MED17: variants seen among roughly 807,000 people sequenced by gnomAD.
The protein encoded by MED17 is mediator of RNA polymerase II transcription subunit 17.
MED17 carries 49 observed loss-of-function variants against 80.8 expected under a neutral mutation model. The observed-to-expected ratio is 0.61, with a 90% CI of 0.48 to 0.77. The LOEUF is 0.77. MED17 is among the 30% of genes least tolerant of loss of function. The pLI is 0.00. For synonymous variants in MED17, 281 were observed against 280.4 expected, an observed-to-expected ratio of 1.00 and a Z score of -0.02; for missense variants, 718 against 787.0, an observed-to-expected ratio of 0.91 and a Z score of 1.05.
Position 93,812,319 on chromosome 11 carries a change from A to G in MED17, c.*255A>G, listed in dbSNP as rs1944092751. ...TAATATGTTTTTCATGCAGTTTAAA[A>G]TATTACTAACTTAAGGGTTTCTATG... On this transcript the variant is annotated 3_prime_UTR_variant, in exon 12 of 12. Coordinates refer to ENST00000251871, the MANE Select transcript of MED17 (RefSeq NM_004268.5). 1.8e-6 allele frequency: 1 copy of G among 558,372 alleles called. No individual in the cohort carries two copies. The highest frequency in any genetic ancestry group is 2.7e-5 in the South Asian group (1 of 36,788). 34.6% of individuals were successfully genotyped at this position (558,372 alleles called of 1,614,324 possible). A position where few individuals can be genotyped will look rare whatever the true frequency, so the allele number is the denominator to read the frequency against.
intron 9 of MED17, chr11:93,806,852 C>T (rs1944030538): frequency 6.6e-6 from 1 of 152,198 alleles, no homozygotes; most frequent in Admixed American, 6.5e-5. Flanking sequence ...CTTGTGGAAA[C>T]CATGCCTATG....
At chr11:93,809,471 A>C in intron 10 of MED17, 1 of 548,108 alleles carries the variant, frequency 1.8e-6, no homozygotes, top group East Asian at 3.3e-5. Flanking sequence ...AATTTATGTC[A>C]TATGTCTTTG....
chr11:93,787,618 G>A (rs891068451), intron 1 of MED17, among the ~76,000 whole-genome samples: 1 of 152,150 alleles, frequency 6.6e-6, no homozygotes, highest in Non-Finnish European at 1.5e-5. Flanking sequence ...TATGCTAATA[G>A]TGGCTGGCTT....
chr11:93,814,913 A>G lies in MED17; in HGVS notation c.*2849A>G, dbSNP rs1350444511. ...GCTGGGATTACAGGTATGAGCCACCATGCCTGGCCTCCTTAGGTATTGCTG... is the reference window on the plus strand; with the variant it reads ...GCTGGGATTACAGGTATGAGCCACCGTGCCTGGCCTCCTTAGGTATTGCTG... On this transcript the variant is annotated 3_prime_UTR_variant, in exon 12 of 12. Coordinates refer to ENST00000251871, the MANE Select transcript of MED17 (RefSeq NM_004268.5). The G allele has an allele frequency of 6.6e-6, 1 of 152,192 alleles. No homozygotes were observed. Among genetic ancestry groups the G allele is most frequent in the Admixed American group, 6.5e-5 (1 of 15,284 alleles). 9.4% of individuals were successfully genotyped at this position (152,192 alleles called of 1,614,324 possible).
intron 9 of MED17, among the ~76,000 whole-genome samples, chr11:93,803,277 C>T (rs1445289962): frequency 6.6e-6 from 1 of 152,022 alleles, no homozygotes; most frequent in Non-Finnish European, 1.5e-5. Context: ...TTTGATTTTT[C>T]CTATGTACAG....
intron 8 of MED17, among the ~76,000 whole-genome samples, chr11:93,799,268 C>G (rs756550421): frequency 1.3e-5 from 2 of 150,946 alleles, no homozygotes; most frequent in Admixed American, 6.6e-5. Flanking sequence ...CTCTGCCTCT[C>G]GGGTTCAAGC....
chr11:93,809,595 TA>T, intron 10 of MED17, 121 bp from the exon 11 acceptor site: 2 of 996,956 alleles, frequency 2.0e-6, no homozygotes, highest in Non-Finnish European at 3.2e-6. Flanking sequence ...TCCTCAGACC[TA>T]AGATAGGGTT....
In MED17 at chr11:93,793,740, C is replaced by T. The variant is rs868539652; in HGVS notation, c.650C>T (p.Pro217Leu). The change falls in exon 4 of 12, where the codon CCT becomes CTT. Residue 217 changes from proline (P) to leucine (L), a missense_variant. Pro to Leu is a moderately conservative substitution (Grantham distance 98). Coordinates refer to ENST00000251871, the MANE Select transcript of MED17 (RefSeq NM_004268.5). Reference sequence around the variant, plus strand: ...AATACAACATTAGGATCTCTCTTTCCTCATCATGGTACATTTGAAGTAATA... The same window carrying T: ...AATACAACATTAGGATCTCTCTTTCTTCATCATGGTACATTTGAAGTAATA... The part of the protein sequence containing the change: ...LSYRSAGSLF[P>L]HHGTFEVIKN... 2 of 1,574,202 alleles carry T rather than the reference C, an allele frequency of 1.3e-6. No homozygotes were observed. Among genetic ancestry groups the T allele is most frequent in the Non-Finnish European group, 1.7e-6 (2 of 1,145,514 alleles).
Position 93,812,402 on chromosome 11 carries a change from A to G in MED17, c.*338A>G, listed in dbSNP as rs1401313135. The G allele has an allele frequency of 4.0e-6, 2 of 502,090 alleles. No homozygotes were observed. Among genetic ancestry groups the G allele is most frequent in the Non-Finnish European group, 6.9e-6 (2 of 289,630 alleles). 31.1% of individuals were successfully genotyped at this position (502,090 alleles called of 1,614,324 possible). On this transcript the variant is annotated 3_prime_UTR_variant, in exon 12 of 12. Coordinates refer to ENST00000251871, the MANE Select transcript of MED17 (RefSeq NM_004268.5). ...CATCAAATAAAGTATGTGGTTTAAA[A>G]AAATCTCCAAATACCTTTTTTTCCC...
intron 1 of MED17, 27 bp downstream of exon 1, chr11:93,784,790 C>A: frequency 2.0e-6 from 3 of 1,534,202 alleles, no homozygotes; most frequent in South Asian, 1.2e-5. Context: ...CTGCCCGAGT[C>A]CCCCGGTCTG....
intron 9 of MED17, among the ~76,000 whole-genome samples, chr11:93,805,854 C>T (rs1225901324): frequency 6.6e-6 from 1 of 152,008 alleles, no homozygotes; most frequent in Non-Finnish European, 1.5e-5. Flanking sequence ...GTCCCAGCTT[C>T]TCAGGAGGCT....
At position 93,794,915 on chromosome 11, in the gene MED17, A is replaced by G. The variant is rs1286863862; in HGVS notation, c.867A>G (p.Pro289=). 1 of 1,614,232 alleles carries G rather than the reference A, an allele frequency of 6.2e-7. No homozygotes were observed. Among genetic ancestry groups the G allele is most frequent in the East Asian group, 2.2e-5 (1 of 44,878 alleles). Residue 289 remains proline, a synonymous_variant, in exon 6 of 12, where the codon CCA becomes CCG. Transcript: ENST00000251871. ...RPLPKSKPGS[P]HWQTKLEAAQ... ...ATATTTCTTGTCTTTCAGGTTCCCC[A>G]CATTGGCAGACAAAATTAGAAGCGG...
intron 2 of MED17, 168 bp from the exon 3 acceptor site, chr11:93,790,406 G>C: frequency 1.5e-6 from 1 of 664,282 alleles, no homozygotes; most frequent in Non-Finnish European, 2.6e-6. Flanking sequence ...CTTTGAGTGA[G>C]TTGGACAAAG....
At chr11:93,786,473 G>C (rs1005133346) in intron 1 of MED17, among the ~76,000 whole-genome samples, 1 of 146,906 alleles carries the variant, frequency 6.8e-6, no homozygotes, top group Non-Finnish European at 1.5e-5. Context: ...GGTTTGTTTT[G>C]TTTTTTTTTT....
intron 1 of MED17, 131 bp downstream of exon 1, chr11:93,784,894 A>G (rs1343005403): frequency 2.3e-6 from 3 of 1,306,344 alleles, no homozygotes; most frequent in Non-Finnish European, 3.1e-6. Flanking sequence ...CGGAAGCGTA[A>G]GGATACTTGG....
At chr11:93,806,331 T>C (rs991890075) in intron 9 of MED17, 1 of 152,162 alleles carries the variant, frequency 6.6e-6, no homozygotes, top group East Asian at 1.9e-4. Flanking sequence ...TTCTCAAATA[T>C]TTGCTTTAAA....
In MED17 at chr11:93,813,215, C is replaced by T. The variant is rs1311896556; in HGVS notation, c.*1151C>T. ...AAGCTCTCCTTATAAGTAAGGCTTTCAATTTTTAAAACAGACATCCTGCTT... is the reference window on the plus strand; with the variant it reads ...AAGCTCTCCTTATAAGTAAGGCTTTTAATTTTTAAAACAGACATCCTGCTT... On this transcript the variant is annotated 3_prime_UTR_variant, in exon 12 of 12. Transcript: ENST00000251871. The T allele has an allele frequency of 3.9e-5, 6 of 152,180 alleles. No individual in the cohort carries two copies. Among genetic ancestry groups the T allele is most frequent in the African/African-American group, 1.2e-4 (5 of 41,438 alleles). The allele number at this position is 152,180 out of a possible 1,614,324, so 9.4% of individuals were successfully genotyped here. A position where few individuals can be genotyped will look rare whatever the true frequency, so the allele number is the denominator to read the frequency against.
chr11:93,791,879 G>A (rs1943840011), intron 3 of MED17, among the ~76,000 whole-genome samples: 1 of 152,070 alleles, frequency 6.6e-6, no homozygotes, highest in African/African-American at 2.4e-5. Flanking sequence ...GAGAAAGGGT[G>A]GCAAAAAGGT....
At chr11:93,785,177 T>A (rs982765800) in intron 1 of MED17, among the ~76,000 whole-genome samples, 2 of 151,974 alleles carry the variant, frequency 1.3e-5, no homozygotes, top group African/African-American at 4.8e-5. Context: ...AGAAAAGAGG[T>A]CTGTTTTGAC....
Sources: gnomAD v4.1 joint callset for allele counts (sites outside exome capture counted in the v4.1 genomes callset) on GRCh38, gnomAD v4.1.1 for gene constraint, MANE v1.5 for transcripts, NCBI Gene and HGNC (gene_info 2026-07-23, HGNC 2026-07-21) for gene names.